The following NUDT6 variants were observed in gnomAD, a reference collection of about 807,000 sequenced individuals.
The protein encoded by NUDT6 is nudix hydrolase 6.
A neutral mutation model predicts 36.8 loss-of-function variants in NUDT6; 24 were observed. The observed-to-expected ratio is 0.65, with a 90% confidence interval of 0.47 to 0.92. The LOEUF is 0.92. Ranked by LOEUF, NUDT6 falls within the 40% of genes least tolerant of loss-of-function variation. NUDT6 has a pLI of 0.00. For synonymous variants in NUDT6, 163 were observed against 157.0 expected (o/e 1.04, Z -0.29); for missense variants, 388 against 392.8 (o/e 0.99, Z 0.10).
At chr4:122,922,905 G>A, upstream of NUDT6, 1 of 584,274 alleles carries the variant, frequency 1.7e-6, no homozygotes, top group South Asian at 2.2e-5. Flanking sequence ...AATCTAAGTG[G>A]CAGTTCCGTT....
intron 4 of NUDT6, chr4:122,895,876 T>A (rs1727335490): frequency 6.6e-6 from 1 of 152,250 alleles, no homozygotes; most frequent in Non-Finnish European, 1.5e-5. Flanking sequence ...CATTGCATGT[T>A]TTCCTAAATA....
chr4:122,912,090 T>C (rs1465661530), intron 3 of NUDT6, among the ~76,000 whole-genome samples: 1 of 152,228 alleles, frequency 6.6e-6, no homozygotes, highest in Non-Finnish European at 1.5e-5. Context: ...AGTTTAAATT[T>C]CACCTCCTTT....
rs761664842 is a variant in NUDT6 at position 122,922,432 on chromosome 4, C to T, written c.141G>A (p.Gln47=). The T allele has an allele frequency of 6.8e-6, 11 of 1,612,032 alleles. No individual in the cohort carries two copies. The South Asian group carries it at 9.9e-5, about 14-fold the overall frequency. Residue 47 remains glutamine (Q), a synonymous_variant, in exon 1 of 5, where the codon CAG becomes CAA. Coordinates refer to ENST00000304430, the MANE Select transcript of NUDT6 (RefSeq NM_007083.5). ...RNPPVGACDL[Q]GELDRFGGIS... is the part of the protein sequence containing the mutation. ...TGCCCCCGAATCTGTCCAGCTCGCC[C>T]TGCAGATCGCACGCTCCAACTGGCG...
chr4:122,918,896 T>C (rs1449739512), intron 1 of NUDT6: 1 of 152,244 alleles, frequency 6.6e-6, no homozygotes, highest in Non-Finnish European at 1.5e-5. Flanking sequence ...CGATTTGACA[T>C]ATGCATATGC....
intron 1 of NUDT6, chr4:122,922,036 A>G (rs1728040841): frequency 2.8e-6 from 1 of 357,758 alleles, no homozygotes; most frequent in Non-Finnish European, 5.0e-6. Context: ...GGGTCTGTGG[A>G]AGAGGAAATG....
In NUDT6 at chr4:122,912,595, T is replaced by C; in HGVS notation, c.471A>G (p.Lys157=). ...AGAVFDESTR[K]ILVVQDRNKL... ...TATTTCGATCTTGTACAACCAGTAT[T>C]TTTCTAGTACTTTCATCAAATACAG... The change falls in exon 3 of 5, where the codon AAA becomes AAG. Residue 157 remains lysine (K), a synonymous_variant. Coordinates refer to ENST00000304430, the MANE Select transcript of NUDT6 (RefSeq NM_007083.5). 2 of 1,593,960 alleles carry C rather than the reference T, an allele frequency of 1.3e-6. No individual in the cohort carries two copies. The highest frequency in any genetic ancestry group is 3.3e-4 in the Middle Eastern group (2 of 6,008).
Position 122,903,115 on chromosome 4 carries a change from CTT to C in NUDT6, c.499-5439_499-5438del, listed in dbSNP as rs1347801150. Among the ~76,000 whole-genome samples, 18 of 152,168 alleles carry C rather than the reference CTT, an allele frequency of 1.2e-4. No homozygotes were observed. The East Asian group carries it at 3.3e-3, about 28-fold the overall frequency. ...CATTTACAGAAATTAAATTATTCCT[CTT>C]ATTTTTATTACAACATTGAACTATA... On this transcript the variant is annotated intron_variant, in intron 3 of 4. Coordinates refer to ENST00000304430, the MANE Select transcript of NUDT6 (RefSeq NM_007083.5).
chr4:122,898,625 G>A (rs1313155416), intron 3 of NUDT6, among the ~76,000 whole-genome samples: 1 of 152,164 alleles, frequency 6.6e-6, no homozygotes, highest in African/African-American at 2.4e-5. Context: ...GGAGACCAGT[G>A]GCATGGTTCC....
At chr4:122,908,267 T>C (rs1313595725) in intron 3 of NUDT6, among the ~76,000 whole-genome samples, 21 of 152,218 alleles carry the variant, frequency 1.4e-4, no homozygotes, top group Admixed American at 1.4e-3. Context: ...TACCAAATTA[T>C]AAACAGGATC....
chr4:122,908,900 A>G (rs1009470167), intron 3 of NUDT6, among the ~76,000 whole-genome samples: 5 of 152,210 alleles, frequency 3.3e-5, no homozygotes, highest in African/African-American at 1.2e-4. Flanking sequence ...CTCAGTGAGC[A>G]AAAAACAAAA....
chr4:122,904,551 G>T (rs1444797335), intron 3 of NUDT6, among the ~76,000 whole-genome samples: 1 of 152,008 alleles, frequency 6.6e-6, no homozygotes, highest in Non-Finnish European at 1.5e-5. Context: ...CTGTCTCCCA[G>T]GTTCAAGCGA....
chr4:122,892,688 G>A lies in NUDT6; in HGVS notation c.*140C>T, dbSNP rs1461156533. On this transcript the variant is annotated 3_prime_UTR_variant, in exon 5 of 5. Transcript: ENST00000304430. ...TTATTCGAAAAGAGGCTTTTAAAAT[G>A]TGCATGTTTAGAAACAAAATTTCTT... 5 of 1,365,856 alleles carry A rather than the reference G, an allele frequency of 3.7e-6. No homozygotes were observed. The allele number at this position is 1,365,856 out of a possible 1,614,324, so 84.6% of individuals were successfully genotyped here.
At chr4:122,909,987 G>T (rs1196605773) in intron 3 of NUDT6, among the ~76,000 whole-genome samples, 1 of 152,130 alleles carries the variant, frequency 6.6e-6, no homozygotes, top group Admixed American at 6.5e-5. Flanking sequence ...TGACTATGTT[G>T]AAAAACACTA....
chr4:122,916,379 AC>A (rs532625884), intron 2 of NUDT6, among the ~76,000 whole-genome samples: 19 of 152,328 alleles, frequency 1.2e-4, no homozygotes, highest in African/African-American at 4.1e-4. Flanking sequence ...ATTTTAAACA[AC>A]TGTTTGGCAC....
In NUDT6 at chr4:122,893,095, G is replaced by A. The variant is rs1472923739; in HGVS notation, c.684C>T (p.Arg228=). The change falls in exon 5 of 5, where the codon CGC becomes CGT. Residue 228 remains arginine (R), a synonymous_variant. Transcript: ENST00000304430. ...FGKSDMYIIC[R]LKPYSFTINF... ...TTATGGTGAATGAATATGGCTTTAG[G>A]CGGCAGATGATATACATATCTGACT... 3.7e-6 allele frequency: 6 copies of A among 1,614,004 alleles called. No homozygotes were observed. Among genetic ancestry groups the A allele is most frequent in the Non-Finnish European group, 5.1e-6 (6 of 1,180,034 alleles).
chr4:122,900,057 A>ACACCCC lies in NUDT6; in HGVS notation c.499-2380_499-2379insGGGGTG, dbSNP rs376050692. On this transcript the variant is annotated intron_variant, in intron 3 of 4. Transcript: ENST00000304430. ...ATTAACATGGTCATGCACCCCCGCCACCCCCCCCCCGGCCCCCACCACCAC... is the reference window on the plus strand; with the variant it reads ...ATTAACATGGTCATGCACCCCCGCCACACCCCCCCCCCCCCCGGCCCCCACCACCAC... Among the ~76,000 whole-genome samples, 28 of 88,704 alleles carry ACACCCC rather than the reference A, an allele frequency of 3.2e-4. No individual in the cohort carries two copies. The East Asian group carries it at 3.2e-3, about 10-fold the overall frequency. The allele number at this position is 88,704 out of a possible 152,430, so 58.2% of individuals were successfully genotyped here.
rs900385457 is a variant in NUDT6 at position 122,897,422 on chromosome 4, T to C, written c.553+202A>G. On this transcript the variant is annotated intron_variant, in intron 4 of 4. Coordinates refer to ENST00000304430, the MANE Select transcript of NUDT6 (RefSeq NM_007083.5). ...AATAGGTGGTATGTTCCTAATGATA[T>C]TATTTCTACTAATGGAATAAACTGT... is the stretch of plus-strand genomic sequence containing the variant. 6.8e-6 allele frequency: 4 copies of C among 584,684 alleles called. No individual in the cohort carries two copies. The Admixed American group carries it at 9.3e-5, about 14-fold the overall frequency. 36.2% of individuals were successfully genotyped at this position (584,684 alleles called of 1,614,324 possible).
At chr4:122,906,439 A>G (rs1727617883) in intron 3 of NUDT6, among the ~76,000 whole-genome samples, 1 of 152,038 alleles carries the variant, frequency 6.6e-6, no homozygotes, top group Non-Finnish European at 1.5e-5. Flanking sequence ...ATTCCTTTCC[A>G]TATGTAAGAA....
At chr4:122,912,660 T>A in intron 2 of NUDT6, 37 bp from the exon 3 acceptor site, 1 of 1,305,864 alleles carries the variant, frequency 7.7e-7, no homozygotes, top group Non-Finnish European at 1.1e-6. Flanking sequence ...TGAGAAATAT[T>A]AATTTCATTC....
Sources: allele counts gnomAD v4.1 joint callset (sites outside exome capture counted in the v4.1 genomes callset), GRCh38; gene constraint gnomAD v4.1.1; transcripts MANE v1.5; gene names NCBI Gene and HGNC (gene_info 2026-07-23, HGNC 2026-07-21).